The following LRRC37A2 variants were observed in gnomAD, a reference collection of about 807,000 sequenced individuals.
LRRC37A2 encodes the protein leucine-rich repeat-containing protein 37A2.
A neutral mutation model predicts 68.8 loss-of-function variants in LRRC37A2; 9 were observed. That is an observed-to-expected ratio of 0.13 (90% CI 0.08 to 0.23). LRRC37A2 has a LOEUF of 0.23. Ranked by LOEUF, LRRC37A2 falls within the 10% of genes least tolerant of loss-of-function variation. The pLI is 1.00. For missense variants in LRRC37A2, 168 were observed against 950.4 expected, an observed-to-expected ratio of 0.18 and a Z score of 10.82; for synonymous variants, 63 against 367.6, an observed-to-expected ratio of 0.17 and a Z score of 9.48.
At chr17:46,881,923 G>A in the LRRC37A2 span, among the ~76,000 whole-genome samples, 1 of 152,164 alleles carries the variant, frequency 6.6e-6, no homozygotes, top group Non-Finnish European at 1.5e-5. Context: ...TCTAAGAGAT[G>A]TAACATTGAC....
At chr17:46,983,006 C>T in the LRRC37A2 span, among the ~76,000 whole-genome samples, 1 of 152,176 alleles carries the variant, frequency 6.6e-6, no homozygotes, top group Non-Finnish European at 1.5e-5. Context: ...GCATATTTGG[C>T]TTTCTCCGGT....
the LRRC37A2 span, among the ~76,000 whole-genome samples, chr17:46,502,114 T>G: frequency 1.4e-4 from 21 of 151,362 alleles, 1 homozygote; most frequent in African/African-American, 5.2e-4. Context: ...CTTTGGACCT[T>G]GAGACCACTT....
At chr17:46,839,868 A>C in the LRRC37A2 span, among the ~76,000 whole-genome samples, 5 of 151,730 alleles carry the variant, frequency 3.3e-5, no homozygotes, top group Non-Finnish European at 5.9e-5. Flanking sequence ...ATCCTTTTTC[A>C]TGGCTGCATA....
chr17:46,757,858 G>A, the LRRC37A2 span, among the ~76,000 whole-genome samples: 1 of 152,112 alleles, frequency 6.6e-6, no homozygotes, highest in Non-Finnish European at 1.5e-5. Flanking sequence ...GCCGGGTGTG[G>A]TGGCACATGC....
At chr17:47,000,071 AAATAAAAAATAAAATAAAAT>A in the LRRC37A2 span, among the ~76,000 whole-genome samples, 3,329 of 67,258 alleles carry the variant, frequency 0.049, 494 homozygotes, top group African/African-American at 0.096. Flanking sequence ...AATTAAAATA[AAATAAAAAATAAAATAAAAT>A]AAAATAAAAT....
At chr17:46,795,503 G>A in the LRRC37A2 span, among the ~76,000 whole-genome samples, 8 of 152,142 alleles carry the variant, frequency 5.3e-5, no homozygotes, top group African/African-American at 1.9e-4. Flanking sequence ...CTGACGCCCT[G>A]TCTAACCCTC....
chr17:46,685,424 TAAAG>T, the LRRC37A2 span, among the ~76,000 whole-genome samples: 2 of 151,804 alleles, frequency 1.3e-5, no homozygotes, highest in Non-Finnish European at 2.9e-5. Context: ...TGTTACATAA[TAAAG>T]AAAAACATCA....
the LRRC37A2 span, among the ~76,000 whole-genome samples, chr17:46,887,071 C>T: frequency 6.6e-6 from 1 of 152,160 alleles, no homozygotes; most frequent in African/African-American, 2.4e-5. Flanking sequence ...CCTGCCTTGG[C>T]CTCCCAAAGT....
the LRRC37A2 span, among the ~76,000 whole-genome samples, chr17:46,944,398 A>T: frequency 7.5e-3 from 1,147 of 152,098 alleles, 19 homozygotes; most frequent in African/African-American, 0.027. Context: ...TGGGGGTAAC[A>T]CCTGTCCCAC....
At chr17:46,834,965 C>T in the LRRC37A2 span, among the ~76,000 whole-genome samples, 1 of 152,080 alleles carries the variant, frequency 6.6e-6, no homozygotes, top group Non-Finnish European at 1.5e-5. Context: ...GATTGGCCCT[C>T]AGTCTCTCTT....
At chr17:46,837,208 TG>T in the LRRC37A2 span, among the ~76,000 whole-genome samples, 6 of 152,204 alleles carry the variant, frequency 3.9e-5, no homozygotes, top group Non-Finnish European at 8.8e-5. Context: ...CCCAAAGTGC[TG>T]GGATTACAGG....
chr17:46,973,820 A>G, the LRRC37A2 span, among the ~76,000 whole-genome samples: 2 of 146,668 alleles, frequency 1.4e-5, no homozygotes, highest in Non-Finnish European at 3.1e-5. Flanking sequence ...TGCGTGCGAC[A>G]CATGTGTACA....
chr17:46,572,975 G>A, the LRRC37A2 span, among the ~76,000 whole-genome samples: 1 of 17,210 alleles, frequency 5.8e-5, no homozygotes, highest in Non-Finnish European at 3.9e-4. Context: ...ACAGAAAAGG[G>A]AGGGAGGGAG....
the LRRC37A2 span, among the ~76,000 whole-genome samples, chr17:46,740,061 G>T: frequency 6.6e-6 from 1 of 152,144 alleles, no homozygotes; most frequent in African/African-American, 2.4e-5. Flanking sequence ...TGTGTCTAGT[G>T]GGTAAGTTGT....
chr17:47,023,426 C>T, the LRRC37A2 span, among the ~76,000 whole-genome samples: 2 of 152,164 alleles, frequency 1.3e-5, no homozygotes, highest in Non-Finnish European at 2.9e-5. Flanking sequence ...GTGGCTCACG[C>T]CTTTAATCCC....
chr17:46,726,460 T>A, the LRRC37A2 span: 41 of 1,141,440 alleles, frequency 3.6e-5, no homozygotes, highest in Non-Finnish European at 5.5e-5. Flanking sequence ...GTGCTTTGTT[T>A]AGTATTGCTC....
the LRRC37A2 span, among the ~76,000 whole-genome samples, chr17:46,780,807 A>G: frequency 6.6e-6 from 1 of 152,086 alleles, no homozygotes. Flanking sequence ...GGGGACTCCA[A>G]CAGACACCTG....
chr17:46,714,041 T>G, the LRRC37A2 span: 6 of 1,515,250 alleles, frequency 4.0e-6, no homozygotes, highest in Non-Finnish European at 4.5e-6. Context: ...TGTGTGTGTG[T>G]GCACATATAT....
At chr17:46,861,002 G>T in the LRRC37A2 span, among the ~76,000 whole-genome samples, 2 of 152,190 alleles carry the variant, frequency 1.3e-5, no homozygotes, top group Non-Finnish European at 2.9e-5. Flanking sequence ...GGGATTACAG[G>T]CCCAAGGCAT....
Sources: allele counts gnomAD v4.1 joint callset (sites outside exome capture counted in the v4.1 genomes callset), GRCh38; gene constraint gnomAD v4.1.1; transcripts MANE v1.5; gene names NCBI Gene and HGNC (gene_info 2026-07-23, HGNC 2026-07-21).